WDR26: variants seen among roughly 807,000 people sequenced by gnomAD.
WDR26 encodes the protein WD repeat-containing protein 26.
Under a neutral mutation model 84.1 loss-of-function variants are expected in WDR26, and 5 were observed. The ratio of observed to expected loss-of-function variants is 0.06; its 90% CI spans 0.03 to 0.13. WDR26 has a LOEUF of 0.13. Among genes scored for constraint, WDR26 ranks in the 10% least tolerant of loss-of-function variants. The probability of loss-of-function intolerance (pLI) is 1.00; values close to 1 mark genes in which losing one functional copy is unlikely to be tolerated. For missense variants in WDR26, 642 were observed against 974.9 expected (o/e 0.66, Z 4.55); for synonymous variants, 415 against 389.6 (o/e 1.07, Z -0.77).
rs753866999 is a variant in WDR26, at chr1:224,393,811, T to A, written c.2260+17A>T. On this transcript the variant is annotated intron_variant, in intron 13 of 13. Coordinates refer to ENST00000414423, the MANE Select transcript of WDR26 (RefSeq NM_001379403.1). Reference sequence around the variant, plus strand: ...TTCATTTGGACAAAACATAGTAACATTATACAAAGGTATTACCTTCAATAT... The same window carrying A: ...TTCATTTGGACAAAACATAGTAACAATATACAAAGGTATTACCTTCAATAT... 2.0e-6 allele frequency: 3 copies of A among 1,500,654 alleles called. No homozygotes were observed. Among genetic ancestry groups the A allele is most frequent in the East Asian group, 2.3e-5 (1 of 43,378 alleles). 93.0% of individuals were successfully genotyped at this position (1,500,654 alleles called of 1,614,324 possible). A position where few individuals can be genotyped will look rare whatever the true frequency, so the allele number is the denominator to read the frequency against.
intron 3 of WDR26, chr1:224,430,577 A>C (rs1204233555): frequency 2.0e-5 from 3 of 152,218 alleles, no homozygotes; most frequent in African/African-American, 7.2e-5. Flanking sequence ...ATTTTAAAAA[A>C]ATCAAAATGT....
rs1176045880 is a variant in WDR26 at position 224,433,833 on chromosome 1, G to A, written c.573C>T (p.Thr191=). 16 of 1,536,868 alleles carry A rather than the reference G, an allele frequency of 1.0e-5. No individual in the cohort carries two copies. Among genetic ancestry groups the A allele is most frequent in the Non-Finnish European group, 1.3e-5 (15 of 1,146,770 alleles). ...CGGTGGTGGCGGAGGCAGCTGCGAC[G>A]GTGGCTGAGGATGCGGCGGCCGCCC... The change falls in exon 1 of 14, where the codon ACC becomes ACT. Residue 191 remains threonine, a synonymous_variant. Transcript: ENST00000414423.
At chr1:224,413,316 C>A in intron 6 of WDR26, 1 of 1,244,916 alleles carries the variant, frequency 8.0e-7, no homozygotes, top group Non-Finnish European at 1.0e-6. Flanking sequence ...TTTAGAATTA[C>A]ATTTTGTCAA....
intron 10 of WDR26, 118 bp from the exon 11 acceptor site, chr1:224,398,711 T>C: frequency 2.6e-6 from 3 of 1,176,288 alleles, no homozygotes; most frequent in Non-Finnish European, 3.6e-6. Context: ...CACTATTACA[T>C]ACTATACTTC....
intron 12 of WDR26, chr1:224,397,655 T>C (rs1278519099): frequency 6.5e-6 from 1 of 153,542 alleles, no homozygotes; most frequent in African/African-American, 2.4e-5. Flanking sequence ...GAACTAACTA[T>C]AGTCAAATCT....
intron 13 of WDR26, 53 bp downstream of exon 13, chr1:224,393,775 C>G (rs1183863897): frequency 7.2e-7 from 1 of 1,390,302 alleles, no homozygotes; most frequent in Non-Finnish European, 9.6e-7. Context: ...TCATAATAAG[C>G]CGAGTGATGT....
At chr1:224,420,888 G>A (rs954045500) in intron 4 of WDR26, among the ~76,000 whole-genome samples, 11 of 152,070 alleles carry the variant, frequency 7.2e-5, no homozygotes, top group African/African-American at 2.2e-4. Context: ...GTGTGCCACC[G>A]TGCCCAGCCA....
At chr1:224,424,453 A>C (rs1674154637) in intron 4 of WDR26, 65 bp downstream of exon 4, 4 of 1,572,626 alleles carry the variant, frequency 2.5e-6, no homozygotes, top group Non-Finnish European at 3.4e-6. Context: ...ATATTTTGGA[A>C]AAATGTTAAA....
Position 224,398,543 on chromosome 1 carries a change from C to A in WDR26, c.1916G>T (p.Arg639Leu). ...AGTTGCTACATTTAACAAAGCTAATCGGCCATTTTTTGAAATAGTAAAAGA... is the reference window on the plus strand; with the variant it reads ...AGTTGCTACATTTAACAAAGCTAATAGGCCATTTTTTGAAATAGTAAAAGA... The change falls in exon 11 of 14, where the codon CGA becomes CTA. Residue 639 changes from arginine to leucine, a missense_variant. Arg to Leu is a moderately radical substitution (Grantham distance 102). Around this residue, in one of 2 missense-constraint regions of WDR26, gnomAD observed 351 missense variants for 672.8 expected, o/e 0.52. Transcript: ENST00000414423. The A allele has an allele frequency of 6.2e-7, 1 of 1,609,738 alleles. No individual in the cohort carries two copies. The highest frequency in any genetic ancestry group is 8.5e-7 in the Non-Finnish European group (1 of 1,178,680).
intron 7 of WDR26, among the ~76,000 whole-genome samples, chr1:224,405,949 G>A (rs750093940): frequency 3.9e-5 from 6 of 152,172 alleles, no homozygotes; most frequent in Non-Finnish European, 8.8e-5. Context: ...AAAGACACAG[G>A]ATAAGGCAAC....
At chr1:224,395,543 T>C (rs1673236305) in intron 12 of WDR26, among the ~76,000 whole-genome samples, 1 of 152,016 alleles carries the variant, frequency 6.6e-6, no homozygotes, top group African/African-American at 2.4e-5. Context: ...ATTTATCTTC[T>C]TAGAAGTATC....
intron 13 of WDR26, among the ~76,000 whole-genome samples, chr1:224,392,790 C>T (rs1368528164): frequency 6.6e-6 from 1 of 151,972 alleles, no homozygotes; most frequent in African/African-American, 2.4e-5. Flanking sequence ...ACAGTCTGTA[C>T]CACAAAGATA....
At position 224,387,334 on chromosome 1, in the gene WDR26, C is replaced by T. The variant is rs1673012071; in HGVS notation, c.*2501G>A. On this transcript the variant is annotated 3_prime_UTR_variant, in exon 14 of 14. Coordinates refer to ENST00000414423, the MANE Select transcript of WDR26 (RefSeq NM_001379403.1). ...TAGGCTTCTTTACCATTGATTTCACCTTTCGAGCACAGTCACTGCATGGCA... is the reference window on the plus strand; with the variant it reads ...TAGGCTTCTTTACCATTGATTTCACTTTTCGAGCACAGTCACTGCATGGCA... The T allele has an allele frequency of 6.6e-6, 1 of 152,548 alleles. No individual in the cohort carries two copies. The highest frequency in any genetic ancestry group is 1.5e-5 in the Non-Finnish European group (1 of 68,014). 9.4% of individuals were successfully genotyped at this position (152,548 alleles called of 1,614,324 possible).
intron 8 of WDR26, 38 bp from the exon 9 acceptor site, chr1:224,401,107 T>C (rs1464257248): frequency 7.5e-6 from 12 of 1,590,630 alleles, no homozygotes; most frequent in African/African-American, 2.7e-5. Flanking sequence ...ACCTTCAAGA[T>C]ACCCCTCTAA....
At chr1:224,398,659 C>T (rs1673326036) in intron 10 of WDR26, 66 bp from the exon 11 acceptor site, 1 of 1,415,340 alleles carries the variant, frequency 7.1e-7, no homozygotes, top group African/African-American at 1.4e-5. Flanking sequence ...ATTATCAATA[C>T]ATAAGATGTG....
rs918410792 is a variant in WDR26 at position 224,389,163 on chromosome 1, T to A, written c.*672A>T. On this transcript the variant is annotated 3_prime_UTR_variant, in exon 14 of 14. Transcript: ENST00000414423. ...CTATAAATACTTCTTAATTTATTTT[T>A]AAAAAATTGTGCTGTTAACCCTTTT... 1 of 152,820 alleles carries A rather than the reference T, an allele frequency of 6.5e-6. No homozygotes were observed. The highest frequency in any genetic ancestry group is 2.4e-5 in the African/African-American group (1 of 41,458). 9.5% of individuals were successfully genotyped at this position (152,820 alleles called of 1,614,324 possible). A position where few individuals can be genotyped will look rare whatever the true frequency, so the allele number is the denominator to read the frequency against.
Position 224,391,444 on chromosome 1 carries a change from C to T in WDR26, c.2261-1584G>A, listed in dbSNP as rs186213053. On this transcript the variant is annotated intron_variant, in intron 13 of 13. Transcript: ENST00000414423. The stretch of plus-strand genomic sequence containing the variant: ...ATTTTATTTACAGTCCATAATTCTA[C>T]TGTTAAAATTTTTCCCTTTTGAAAT... Among the ~76,000 whole-genome samples the T allele has an allele frequency of 2.0e-5, 3 of 150,454 alleles. No individual in the cohort carries two copies. In the East Asian group the frequency reaches 5.8e-4, roughly 29 times the overall value.
At position 224,389,678 on chromosome 1, in the gene WDR26, G is replaced by T. The variant is rs559409748; in HGVS notation, c.*157C>A. ...TCAACTGGTTACTATGAAGCAAGGTGTAAATGTTTGGCCCCAATCGGGCTT... is the reference window on the plus strand; with the variant it reads ...TCAACTGGTTACTATGAAGCAAGGTTTAAATGTTTGGCCCCAATCGGGCTT... On this transcript the variant is annotated 3_prime_UTR_variant, in exon 14 of 14. Transcript: ENST00000414423. 3.1e-5 allele frequency: 23 copies of T among 741,668 alleles called. No individual in the cohort carries two copies. In the African/African-American group the frequency reaches 3.7e-4, roughly 12 times the overall value. The allele number at this position is 741,668 out of a possible 1,614,324, so 45.9% of individuals were successfully genotyped here.
chr1:224,405,711 T>G (rs1673530462), intron 7 of WDR26, among the ~76,000 whole-genome samples: 1 of 152,242 alleles, frequency 6.6e-6, no homozygotes, highest in African/African-American at 2.4e-5. Flanking sequence ...GAATCTGGGC[T>G]GCCTCACTTA....
Sources: gnomAD v4.1 joint callset for allele counts (sites outside exome capture counted in the v4.1 genomes callset) on GRCh38, gnomAD v4.1.1 for gene constraint, gnomAD v4.1.1 regional missense constraint, MANE v1.5 for transcripts, NCBI Gene and HGNC (gene_info 2026-07-23, HGNC 2026-07-21) for gene names.